The following FUT4 variants were observed in gnomAD, a reference collection of about 807,000 sequenced individuals.
FUT4 encodes fucosyltransferase 4, also known as alpha-(1,3)-fucosyltransferase 4.
A neutral mutation model predicts 3.8 loss-of-function variants in FUT4; 1 was observed. That is an observed-to-expected ratio of 0.26 (90% CI 0.09 to 1.25). The LOEUF (loss-of-function observed/expected upper bound fraction) is 1.25. Ranked by LOEUF, FUT4 falls within the 50% of genes most tolerant of loss-of-function variation. FUT4 has a pLI of 0.47. For synonymous variants in FUT4, 417 were observed against 355.3 expected (o/e 1.17, Z -1.95); for missense variants, 880 against 768.2 (o/e 1.15, Z -1.72).
chr11:94,549,474 T>G lies in FUT4; in HGVS notation c.*3748T>G, dbSNP rs1184632127. On this transcript the variant is annotated 3_prime_UTR_variant, in exon 1 of 1. Coordinates refer to ENST00000358752, the MANE Select transcript of FUT4 (RefSeq NM_002033.4). ...TGAGTGGGTTAGACAAAATCATCTG[T>G]TGGGACCTCCTAGTTCCACGTGCTA... is the stretch of plus-strand genomic sequence containing the variant. 1 of 167,056 alleles carries G rather than the reference T, an allele frequency of 6.0e-6. No homozygotes were observed. Among genetic ancestry groups the G allele is most frequent in the African/African-American group, 2.4e-5 (1 of 41,430 alleles). 10.3% of individuals were successfully genotyped at this position (167,056 alleles called of 1,614,324 possible).
Sources: gnomAD v4.1 joint callset for allele counts on GRCh38, gnomAD v4.1.1 for gene constraint, MANE v1.5 for transcripts, NCBI Gene and HGNC (gene_info 2026-07-23, HGNC 2026-07-21) for gene names.